ORC2: variants seen among roughly 807,000 people sequenced by gnomAD.
ORC2 encodes the protein origin recognition complex protein 2 homolog.
A neutral mutation model predicts 77.7 loss-of-function variants in ORC2; 37 were observed. That is an observed-to-expected ratio of 0.48 (90% confidence interval 0.37 to 0.63). The LOEUF is 0.63. ORC2 is among the 20% of genes least tolerant of loss of function. ORC2 has a pLI of 0.00. For synonymous variants in ORC2, 201 were observed against 229.5 expected, an observed-to-expected ratio of 0.88 and a Z score of 1.12; for missense variants, 557 against 661.9, an observed-to-expected ratio of 0.84 and a Z score of 1.74.
At chr2:200,948,605 C>CAGGCTGG (rs2125016920) in intron 5 of ORC2, among the ~76,000 whole-genome samples, 1 of 152,156 alleles carries the variant, frequency 6.6e-6, no homozygotes, top group Admixed American at 6.5e-5. Flanking sequence ...TTCTGTCACC[C>CAGGCTGG]AGGCTGGAGT....
At chr2:200,920,461 T>C (rs944399308) in intron 14 of ORC2, 68 bp from the exon 15 acceptor site, 8 of 1,244,432 alleles carry the variant, frequency 6.4e-6, no homozygotes, top group Non-Finnish European at 8.6e-6. Context: ...TAGATTCCAC[T>C]TTACAAAAGA....
At chr2:200,923,441 G>T (rs1303261926) in intron 13 of ORC2, among the ~76,000 whole-genome samples, 1 of 151,802 alleles carries the variant, frequency 6.6e-6, no homozygotes, top group African/African-American at 2.4e-5. Context: ...GTCGAGACAG[G>T]GTTTCACCAT....
chr2:200,929,796 GA>G (rs544725824), intron 11 of ORC2, among the ~76,000 whole-genome samples: 8,387 of 132,244 alleles, frequency 0.063, 252 homozygotes, highest in Middle Eastern at 0.13. Flanking sequence ...AAAAAGAAAA[GA>G]AAAAAAAAAA....
chr2:200,939,540 C>A (rs576707892), intron 7 of ORC2, among the ~76,000 whole-genome samples: 2 of 152,178 alleles, frequency 1.3e-5, no homozygotes, highest in African/African-American at 4.8e-5. Context: ...TATCAAGATA[C>A]ACTTTAAGAC....
rs1013251689 is a variant in ORC2, at chr2:200,963,658, G to C, written c.-228C>G. The C allele has an allele frequency of 2.5e-6, 1 of 398,184 alleles. No homozygotes were observed. Among genetic ancestry groups the C allele is most frequent in the African/African-American group, 2.1e-5 (1 of 48,622 alleles). 24.7% of individuals were successfully genotyped at this position (398,184 alleles called of 1,614,324 possible). A position where few individuals can be genotyped will look rare whatever the true frequency, so the allele number is the denominator to read the frequency against. On this transcript the variant is annotated 5_prime_UTR_variant, in exon 1 of 18. It adds an upstream start codon to the 5' untranslated region. Coordinates refer to ENST00000234296, the MANE Select transcript of ORC2 (RefSeq NM_006190.5). ...AAGGAGCACCGGAGGCCAGCTGGGG[G>C]ATGGGAAGCCTGCGTGCGGCACACC...
rs1285110999 is a variant in ORC2 at position 200,963,554 on chromosome 2, C to G, written c.-124G>C. 2.5e-6 allele frequency: 1 copy of G among 398,630 alleles called. No homozygotes were observed. Among genetic ancestry groups the G allele is most frequent in the East Asian group, 3.6e-5 (1 of 28,072 alleles). The allele number at this position is 398,630 out of a possible 1,614,324, so 24.7% of individuals were successfully genotyped here. A position where few individuals can be genotyped will look rare whatever the true frequency, so the allele number is the denominator to read the frequency against. On this transcript the variant is annotated 5_prime_UTR_variant, in exon 1 of 18. Coordinates refer to ENST00000234296, the MANE Select transcript of ORC2 (RefSeq NM_006190.5). The stretch of plus-strand genomic sequence containing the variant: ...CCGGCCGAACGACACCCCGCTGAGT[C>G]GCCGCCGCAGGGAAGGTACCTTCGG...
chr2:200,940,951 C>T (rs938048247), intron 7 of ORC2, among the ~76,000 whole-genome samples: 1 of 152,072 alleles, frequency 6.6e-6, no homozygotes, highest in African/African-American at 2.4e-5. Flanking sequence ...AAAGCAAAAC[C>T]CCAAACATTT....
Position 200,963,465 on chromosome 2 carries a change from G to A in ORC2, c.-60+25C>T, listed in dbSNP as rs546591916. On this transcript the variant is annotated intron_variant, in intron 1 of 17. Transcript: ENST00000234296. ...CGAGCTAAGCAGAAAAGGGAGGCAG[G>A]CTGCCCCGACACCCCACTACTCACC... 3.3e-5 allele frequency: 13 copies of A among 398,646 alleles called. 1 individual carries two copies. In the South Asian group the frequency reaches 1.1e-3, roughly 35 times the overall value. The allele number at this position is 398,646 out of a possible 1,614,324, so 24.7% of individuals were successfully genotyped here.
At chr2:200,922,907 A>G (rs1243185575) in intron 13 of ORC2, among the ~76,000 whole-genome samples, 1 of 152,252 alleles carries the variant, frequency 6.6e-6, no homozygotes, top group African/African-American at 2.4e-5. Flanking sequence ...TCAGAAAAAC[A>G]AGGCAAAATT....
intron 4 of ORC2, among the ~76,000 whole-genome samples, chr2:200,956,099 G>A (rs769961760): frequency 7.9e-5 from 12 of 152,102 alleles, no homozygotes; most frequent in Non-Finnish European, 1.6e-4. Flanking sequence ...CTAGGGTCTC[G>A]CTTTGTCACC....
At chr2:200,927,356 C>T (rs764419370) in intron 11 of ORC2, among the ~76,000 whole-genome samples, 1 of 151,738 alleles carries the variant, frequency 6.6e-6, no homozygotes, top group Non-Finnish European at 1.5e-5. Flanking sequence ...ATTGCTGGGA[C>T]TACAGGTGTG....
intron 6 of ORC2, among the ~76,000 whole-genome samples, chr2:200,941,815 C>A (rs1463366068): frequency 6.6e-6 from 1 of 152,056 alleles, no homozygotes; most frequent in East Asian, 1.9e-4. Flanking sequence ...GGTGAAACCC[C>A]ATTTCTACTA....
Position 200,958,139 on chromosome 2 carries a change from C to T in ORC2, c.-10-6G>A. The T allele has an allele frequency of 1.3e-6, 2 of 1,545,900 alleles. No individual in the cohort carries two copies. The highest frequency in any genetic ancestry group is 1.8e-6 in the Non-Finnish European group (2 of 1,119,202). Reference sequence around the variant, plus strand: ...GTTTACTCATTGTTGCCAACCTAAACAAAAACAGTAAGTTACTCAAAAGTG... The same window carrying T: ...GTTTACTCATTGTTGCCAACCTAAATAAAAACAGTAAGTTACTCAAAAGTG... On this transcript the variant is annotated splice_polypyrimidine_tract_variant and splice_region_variant and intron_variant, in intron 2 of 17. Transcript: ENST00000234296.
intron 13 of ORC2, among the ~76,000 whole-genome samples, chr2:200,924,992 T>A (rs1337280236): frequency 6.6e-6 from 1 of 152,166 alleles, no homozygotes; most frequent in Non-Finnish European, 1.5e-5. Flanking sequence ...ACTCCTGACC[T>A]CAGGTGACCC....
chr2:200,936,762 A>T (rs1275182565), intron 8 of ORC2, among the ~76,000 whole-genome samples: 1 of 152,184 alleles, frequency 6.6e-6, no homozygotes, highest in Non-Finnish European at 1.5e-5. Flanking sequence ...TGTCTTTTTA[A>T]ACAAACCACA....
chr2:200,957,852 T>C (rs1418871111), intron 3 of ORC2, among the ~76,000 whole-genome samples, 178 bp downstream of exon 3: 1 of 152,186 alleles, frequency 6.6e-6, no homozygotes, highest in African/African-American at 2.4e-5. Context: ...TTACTGAACA[T>C]TTTCAATTAA....
intron 4 of ORC2, among the ~76,000 whole-genome samples, chr2:200,952,419 C>G (rs1275435497): frequency 6.6e-6 from 1 of 151,900 alleles, no homozygotes; most frequent in Non-Finnish European, 1.5e-5. Flanking sequence ...GCCACCACAC[C>G]CGGCTAATTT....
At chr2:200,941,195 A>G (rs1291330196) in intron 7 of ORC2, 53 bp downstream of exon 7, 21 of 1,453,604 alleles carry the variant, frequency 1.4e-5, no homozygotes, top group Non-Finnish European at 1.8e-5. Flanking sequence ...GCAATTTTTC[A>G]TCATGTCTTA....
chr2:200,947,421 A>C (rs1264320734), intron 5 of ORC2, among the ~76,000 whole-genome samples: 1 of 152,158 alleles, frequency 6.6e-6, no homozygotes, highest in Non-Finnish European at 1.5e-5. Flanking sequence ...AACATTTAAC[A>C]TATTTTATTT....
Sources: allele counts gnomAD v4.1 joint callset (sites outside exome capture counted in the v4.1 genomes callset), GRCh38; gene constraint gnomAD v4.1.1; transcripts MANE v1.5; gene names NCBI Gene and HGNC (gene_info 2026-07-23, HGNC 2026-07-21).